MBD6: variants seen among roughly 807,000 people sequenced by gnomAD.
MBD6 encodes methyl-CpG binding domain protein 6, also known as methyl-CpG-binding domain protein 6.
In MBD6, 22 loss-of-function variants were observed where a neutral mutation model predicts 66.8. The ratio of observed to expected loss-of-function variants is 0.33; its 90% CI spans 0.24 to 0.47. The LOEUF is 0.47. MBD6 is among the 20% of genes least tolerant of loss of function. The probability of loss-of-function intolerance (pLI) is 1.00; values close to 1 mark genes in which losing one functional copy is unlikely to be tolerated. For missense variants in MBD6, 1,322 were observed against 1,286.9 expected (o/e 1.03, Z -0.42); for synonymous variants, 540 against 534.6 (o/e 1.01, Z -0.14).
At chr12:57,522,740 G>GGCA (rs1221520891), upstream of MBD6, 16 of 156,174 alleles carry the variant, frequency 1.0e-4, no homozygotes, top group Admixed American at 1.0e-3. Flanking sequence ...CGGCTCCTGC[G>GGCA]GCGGCGGCTG....
At position 57,526,385 on chromosome 12, in the gene MBD6, C is replaced by T. The variant is rs763224091; in HGVS notation, c.1417C>T (p.Pro473Ser). 6.3e-7 allele frequency: 1 copy of T among 1,584,258 alleles called. No homozygotes were observed. Among genetic ancestry groups the T allele is most frequent in the Non-Finnish European group, 8.6e-7 (1 of 1,165,044 alleles). ...GTTSGSLSSV[P>S]GAPAPPAASK... Reference sequence around the variant, plus strand: ...CACCAGTGGCAGCCTCAGCAGTGTGCCAGGTATGTGAGTATTGTGGAGCCC... The same window carrying T: ...CACCAGTGGCAGCCTCAGCAGTGTGTCAGGTATGTGAGTATTGTGGAGCCC... Residue 473 changes from proline (P) to serine (S), a missense_variant, in exon 6 of 13, where the codon CCA becomes TCA. By Grantham distance (74) the Pro-to-Ser change is moderately conservative (BLOSUM62 -1). Coordinates refer to ENST00000355673, the MANE Select transcript of MBD6 (RefSeq NM_052897.4).
At chr12:57,530,700 G>A (rs1170530981), downstream of MBD6, 7 of 1,613,798 alleles carry the variant, frequency 4.3e-6, no homozygotes, top group South Asian at 1.1e-5. Flanking sequence ...CACTTTCCCA[G>A]CTTCTTCATC....
intron 4 of MBD6, 46 bp downstream of exon 4, chr12:57,524,868 G>C (rs774982049): frequency 2.5e-6 from 4 of 1,612,526 alleles, no homozygotes; most frequent in Non-Finnish European, 2.5e-6. Context: ...TAAGCTAAAA[G>C]TCTTAATGCA....
chr12:57,522,490 G>GC (rs1297379349), upstream of MBD6, among the ~76,000 whole-genome samples: 3 of 152,094 alleles, frequency 2.0e-5, no homozygotes, highest in Non-Finnish European at 2.9e-5. Context: ...TTTGGAAGGG[G>GC]CCCCTCCCTG....
In MBD6 at chr12:57,526,333, C is replaced by T. The variant is rs1273913800; in HGVS notation, c.1365C>T (p.His455=). Residue 455 remains histidine (H), a synonymous_variant, in exon 6 of 13, where the codon CAC becomes CAT. Transcript: ENST00000355673. ...LSSGSPPQPR[H]PIQPSLPGTT... ...CAGGGAGCCCTCCCCAGCCCAGGCA[C>T]CCCATCCAGCCCTCCCTGCCTGGGA... 2 of 1,611,240 alleles carry T rather than the reference C, an allele frequency of 1.2e-6. No homozygotes were observed. Among genetic ancestry groups the T allele is most frequent in the Middle Eastern group, 1.7e-4 (1 of 6,048 alleles).
chr12:57,525,783 TG>T lies in MBD6; in HGVS notation c.816del (p.Pro274ArgfsTer103). The T allele has an allele frequency of 5.1e-6, 4 of 782,720 alleles. No individual in the cohort carries two copies. Among genetic ancestry groups the T allele is most frequent in the South Asian group, 1.5e-5 (1 of 67,846 alleles). 48.5% of individuals were successfully genotyped at this position (782,720 alleles called of 1,614,324 possible). ...AGTGATGCCTTAACACCCCCTCCCCTGCCCCCGAGCAATAATCTCCCCGCCC... is the reference window on the plus strand; with the variant it reads ...AGTGATGCCTTAACACCCCCTCCCCTCCCCCGAGCAATAATCTCCCCGCCC... The part of the protein sequence containing the change: ...HCSDALTPPP[L>X]PPSNNLPAHP... On this transcript the variant is annotated frameshift_variant, in exon 6 of 13. Coordinates refer to ENST00000355673, the MANE Select transcript of MBD6 (RefSeq NM_052897.4). LOFTEE classifies it high-confidence loss of function.
At chr12:57,527,740 T>G in intron 8 of MBD6, 80 bp downstream of exon 8, 1 of 1,552,428 alleles carries the variant, frequency 6.4e-7, no homozygotes, top group Non-Finnish European at 8.7e-7. Context: ...CTGAATAAAT[T>G]GGGGAAGAAA....
At chr12:57,530,673 C>T, downstream of MBD6, 11 of 1,610,106 alleles carry the variant, frequency 6.8e-6, no homozygotes, top group Admixed American at 1.5e-4. Flanking sequence ...CCCTGTTCTC[C>T]AGCTCCCAAA....
At chr12:57,530,850 C>CT, downstream of MBD6, 1 of 1,267,274 alleles carries the variant, frequency 7.9e-7, no homozygotes, top group Non-Finnish European at 1.1e-6. Context: ...AAGGAATTCT[C>CT]TGAGAGAGAA....
chr12:57,524,027 A>T lies in MBD6; in HGVS notation c.-88-2A>T. 3.6e-6 allele frequency: 1 copy of T among 276,924 alleles called. No homozygotes were observed. Among genetic ancestry groups the T allele is most frequent in the East Asian group, 6.4e-5 (1 of 15,678 alleles). The allele number at this position is 276,924 out of a possible 1,614,324, so 17.2% of individuals were successfully genotyped here. ...AGTCCCATCTCTCTACTTGCGTTGCAGGTGTGGGCTAAGCTGGTGGCCCCG... is the reference window on the plus strand; with the variant it reads ...AGTCCCATCTCTCTACTTGCGTTGCTGGTGTGGGCTAAGCTGGTGGCCCCG... On this transcript the variant is annotated splice_acceptor_variant, in intron 1 of 12. Coordinates refer to ENST00000355673, the MANE Select transcript of MBD6 (RefSeq NM_052897.4). LOFTEE classifies it low-confidence loss of function (5UTR_SPLICE).
chr12:57,528,752 G>A, intron 11 of MBD6, 34 bp downstream of exon 11: 1 of 1,613,440 alleles, frequency 6.2e-7, no homozygotes, highest in South Asian at 1.1e-5. Context: ...GCTGGCCTTT[G>A]CCTACTTCTT....
intron 3 of MBD6, 69 bp from the exon 4 acceptor site, chr12:57,524,651 T>C: frequency 7.1e-7 from 1 of 1,404,128 alleles, no homozygotes. Context: ...ACTTAAGCAC[T>C]GTGCTTTAGG....
rs763299383 is a variant in MBD6, at chr12:57,529,951, G to A, written c.*717G>A. ...ACGCTCAGAGACGTTGTGATGATGC[G>A]ACTGAGGATTATGCAACGTGGTCCA... On this transcript the variant is annotated 3_prime_UTR_variant, in exon 13 of 13. Transcript: ENST00000355673. 3 of 152,772 alleles carry A rather than the reference G, an allele frequency of 2.0e-5. No homozygotes were observed. The highest frequency in any genetic ancestry group is 4.4e-5 in the Non-Finnish European group (3 of 68,162). The allele number at this position is 152,772 out of a possible 1,614,324, so 9.5% of individuals were successfully genotyped here. A position where few individuals can be genotyped will look rare whatever the true frequency, so the allele number is the denominator to read the frequency against.
rs766946684 is a variant in MBD6, at chr12:57,528,513, G to A, written c.2773G>A (p.Glu925Lys). 1.9e-6 allele frequency: 3 copies of A among 1,613,704 alleles called. No homozygotes were observed. Among genetic ancestry groups the A allele is most frequent in the Middle Eastern group, 1.7e-4 (1 of 6,056 alleles). Residue 925 changes from glutamate (E) to lysine (K), a missense_variant, in exon 10 of 13, where the codon GAG becomes AAG. Glu to Lys is a moderately conservative substitution (Grantham distance 56, BLOSUM62 1). Coordinates refer to ENST00000355673, the MANE Select transcript of MBD6 (RefSeq NM_052897.4). ...TGGGGAGCTGGCTGAAGGGGGTGCT[G>A]AGCCCAAGGATCCACCCCCTCCCGG... is the stretch of plus-strand genomic sequence containing the variant. The part of the protein sequence containing the change: ...HNGELAEGGA[E>K]PKDPPPPGPH...
At position 57,528,528 on chromosome 12, in the gene MBD6, C is replaced by T; in HGVS notation, c.2788C>T (p.Pro930Ser). Residue 930 changes from proline (P) to serine (S), a missense_variant, in exon 10 of 13, where the codon CCC becomes TCC. Pro to Ser is a moderately conservative substitution (Grantham distance 74, BLOSUM62 -1). Transcript: ENST00000355673. Reference sequence around the variant, plus strand: ...AGGGGGTGCTGAGCCCAAGGATCCACCCCCTCCCGGGCCCCATTCTGAGGA... The same window carrying T: ...AGGGGGTGCTGAGCCCAAGGATCCATCCCCTCCCGGGCCCCATTCTGAGGA... ...AEGGAEPKDPPPPGPHSEDLK... is the reference protein window; with the variant it reads ...AEGGAEPKDPSPPGPHSEDLK... The T allele has an allele frequency of 1.2e-6, 2 of 1,612,216 alleles. No homozygotes were observed. Among genetic ancestry groups the T allele is most frequent in the Non-Finnish European group, 1.7e-6 (2 of 1,178,802 alleles).
Position 57,528,937 on chromosome 12 carries a change from T to G in MBD6, c.2874-9T>G, listed in dbSNP as rs1879308785. 6.2e-7 allele frequency: 1 copy of G among 1,614,064 alleles called. No individual in the cohort carries two copies. The highest frequency in any genetic ancestry group is 1.3e-5 in the African/African-American group (1 of 74,912). On this transcript the variant is annotated splice_polypyrimidine_tract_variant and intron_variant, in intron 11 of 12. Transcript: ENST00000355673. ...AGCTGTTCCTGATCATCTGTGCCCC[T>G]TATTGCAGCCCTACCCGGAACAGCA... is the stretch of plus-strand genomic sequence containing the variant.
intron 6 of MBD6, 46 bp downstream of exon 6, chr12:57,526,434 G>A (rs756841911): frequency 1.3e-6 from 2 of 1,530,726 alleles, no homozygotes; most frequent in East Asian, 4.5e-5. Flanking sequence ...CTGGAAAGAG[G>A]CAGCCAAGGC....
At position 57,528,849 on chromosome 12, in the gene MBD6, C is replaced by T. The variant is rs547961562; in HGVS notation, c.2874-97C>T. On this transcript the variant is annotated intron_variant, in intron 11 of 12. Coordinates refer to ENST00000355673, the MANE Select transcript of MBD6 (RefSeq NM_052897.4). ...TTTGAATATGAATAAGGATATTATG[C>T]CTTTACTATCCAAATGTAGAAAGTT... 11 of 1,601,964 alleles carry T rather than the reference C, an allele frequency of 6.9e-6. No individual in the cohort carries two copies. The East Asian group carries it at 2.5e-4, about 36-fold the overall frequency.
At chr12:57,524,587 T>C in intron 3 of MBD6, 133 bp from the exon 4 acceptor site, 4 of 1,073,150 alleles carry the variant, frequency 3.7e-6, no homozygotes, top group East Asian at 2.5e-5. Flanking sequence ...CCATTCTCCC[T>C]TTTTCTGTGT....
Sources: gnomAD v4.1 joint callset for allele counts (sites outside exome capture counted in the v4.1 genomes callset) on GRCh38, gnomAD v4.1.1 for gene constraint, MANE v1.5 for transcripts, NCBI Gene and HGNC (gene_info 2026-07-23, HGNC 2026-07-21) for gene names.